OGDH: variants seen among roughly 807,000 people sequenced by gnomAD.
The protein encoded by OGDH is oxoglutarate dehydrogenase.
A neutral mutation model predicts 116.6 loss-of-function variants in OGDH; 38 were observed. The ratio of observed to expected loss-of-function variants is 0.33; its 90% CI spans 0.25 to 0.43. The LOEUF (loss-of-function observed/expected upper bound fraction) is 0.43, where lower values mean the gene tolerates loss of function less well. OGDH is among the 20% of genes least tolerant of loss of function. The pLI is 1.00. For missense variants in OGDH, 825 were observed against 1,357.2 expected, an observed-to-expected ratio of 0.61 and a Z score of 6.16; for synonymous variants, 488 against 533.3, an observed-to-expected ratio of 0.92 and a Z score of 1.17.
At chr7:44,700,343 G>A in intron 19 of OGDH, 74 bp downstream of exon 19, 1 of 1,579,874 alleles carries the variant, frequency 6.3e-7, no homozygotes, top group East Asian at 2.2e-5. Flanking sequence ...GCTCCTCAGA[G>A]AGCCTCTTGC....
At chr7:44,668,816 A>G (rs563033397) in intron 5 of OGDH, among the ~76,000 whole-genome samples, 7 of 152,238 alleles carry the variant, frequency 4.6e-5, no homozygotes, top group Non-Finnish European at 1.0e-4. Flanking sequence ...TGAAAAGATA[A>G]TGTTTGATAC....
chr7:44,653,750 T>C (rs1426160528), intron 4 of OGDH, among the ~76,000 whole-genome samples: 1 of 152,196 alleles, frequency 6.6e-6, no homozygotes, highest in East Asian at 1.9e-4. Context: ...GGTCTCGAAC[T>C]CCTGACCTCA....
At chr7:44,706,741 C>T (rs1389352847) in intron 20 of OGDH, among the ~76,000 whole-genome samples, 1 of 151,772 alleles carries the variant, frequency 6.6e-6, no homozygotes, top group African/African-American at 2.4e-5. Flanking sequence ...CCACCTCAGC[C>T]TCCCGAGTAG....
chr7:44,681,586 T>G, intron 9 of OGDH, 134 bp from the exon 10 acceptor site: 1 of 1,269,378 alleles, frequency 7.9e-7, no homozygotes, highest in Non-Finnish European at 1.1e-6. Flanking sequence ...CTGTGGACTT[T>G]CCTGCTACTT....
intron 5 of OGDH, among the ~76,000 whole-genome samples, chr7:44,670,387 A>T (rs1261828350): frequency 1.3e-5 from 2 of 152,116 alleles, no homozygotes; most frequent in Non-Finnish European, 2.9e-5. Context: ...GGTCGTGATG[A>T]TGAAGAAGGG....
chr7:44,681,921 G>A, intron 10 of OGDH, 73 bp downstream of exon 10: 1 of 1,551,678 alleles, frequency 6.4e-7, no homozygotes, highest in Non-Finnish European at 8.8e-7. Context: ...AGTCATTTAG[G>A]ACGTTCACTG....
chr7:44,618,566 A>T (rs1333949712), intron 1 of OGDH, among the ~76,000 whole-genome samples: 1 of 152,178 alleles, frequency 6.6e-6, no homozygotes, highest in Non-Finnish European at 1.5e-5. Flanking sequence ...TAAAATAAGC[A>T]TGTATTTTGT....
At chr7:44,670,966 G>A (rs1028107030) in intron 5 of OGDH, among the ~76,000 whole-genome samples, 32 of 145,208 alleles carry the variant, frequency 2.2e-4, no homozygotes, top group Admixed American at 9.2e-4. Context: ...AGCCGAGATC[G>A]TGCTACTGCA....
At chr7:44,659,263 C>G (rs1786831551) in intron 4 of OGDH, among the ~76,000 whole-genome samples, 1 of 152,188 alleles carries the variant, frequency 6.6e-6, no homozygotes, top group Non-Finnish European at 1.5e-5. Context: ...GGAATAAACA[C>G]CATTTGATCA....
At chr7:44,701,477 C>A in intron 19 of OGDH, 66 bp from the exon 20 acceptor site, 4 of 1,455,034 alleles carry the variant, frequency 2.7e-6, no homozygotes, top group South Asian at 1.2e-5. Context: ...GGTAGCCTTG[C>A]TTTTGACCTT....
At chr7:44,687,286 CAG>C (rs1788175071) in intron 10 of OGDH, among the ~76,000 whole-genome samples, 1 of 150,804 alleles carries the variant, frequency 6.6e-6, no homozygotes, top group Non-Finnish European at 1.5e-5. Flanking sequence ...TTAGTACAGA[CAG>C]AGTTTCACCA....
intron 4 of OGDH, 120 bp from the exon 5 acceptor site, chr7:44,666,615 AT>A (rs948395070): frequency 1.4e-4 from 61 of 439,250 alleles, no homozygotes; most frequent in African/African-American, 1.1e-3. Context: ...TTTTTATATG[AT>A]TTTTTTCTTC....
chr7:44,676,362 C>T, intron 9 of OGDH: 1 of 1,046,086 alleles, frequency 9.6e-7, no homozygotes, highest in Non-Finnish European at 1.3e-6. Context: ...TGGAGACCAG[C>T]CTGACCAACA....
chr7:44,663,007 G>A (rs531376961), intron 4 of OGDH, among the ~76,000 whole-genome samples: 8 of 152,256 alleles, frequency 5.3e-5, no homozygotes, highest in Admixed American at 5.2e-4. Context: ...TTTTAGCTAA[G>A]TACCTTTTCA....
At chr7:44,647,585 T>C (rs1786243981) in intron 3 of OGDH, 72 bp from the exon 4 acceptor site, 1 of 1,578,154 alleles carries the variant, frequency 6.3e-7, no homozygotes, top group Non-Finnish European at 8.7e-7. Context: ...ACTTTTTTTT[T>C]ACCCCTTCCC....
intron 9 of OGDH, chr7:44,676,610 G>GTATATATATATATATATA (rs1471345029): frequency 7.1e-6 from 1 of 140,794 alleles, no homozygotes; most frequent in African/African-American, 3.0e-5. Context: ...ATGTGTGTGT[G>GTATATATATATATATATA]TGTGTATATA....
chr7:44,648,069 T>C (rs529633500), intron 4 of OGDH, among the ~76,000 whole-genome samples: 1 of 152,354 alleles, frequency 6.6e-6, no homozygotes, highest in South Asian at 2.1e-4. Flanking sequence ...ATAGCTCTTT[T>C]GGCTTCAGGT....
At chr7:44,625,909 G>C (rs868332344) in intron 2 of OGDH, among the ~76,000 whole-genome samples, 1 of 152,066 alleles carries the variant, frequency 6.6e-6, no homozygotes, top group African/African-American at 2.4e-5. Context: ...GGAATTCGAG[G>C]TTACAGTGCG....
chr7:44,705,605 C>T (rs956578949), intron 20 of OGDH, among the ~76,000 whole-genome samples: 2 of 152,072 alleles, frequency 1.3e-5, no homozygotes, highest in South Asian at 4.1e-4. Flanking sequence ...CTGATGCAAT[C>T]GTAGCTCACT....
Sources: allele counts gnomAD v4.1 joint callset (sites outside exome capture counted in the v4.1 genomes callset), GRCh38; gene constraint gnomAD v4.1.1; transcripts MANE v1.5; gene names NCBI Gene and HGNC (gene_info 2026-07-23, HGNC 2026-07-21).